The following FGF12 variants were observed in gnomAD, a reference collection of about 807,000 sequenced individuals.
FGF12 encodes fibroblast growth factor 12B.
FGF12 carries 14 observed loss-of-function variants against 23.6 expected under a neutral mutation model. The ratio of observed to expected loss-of-function variants is 0.59; its 90% CI spans 0.39 to 0.93. FGF12 has a LOEUF of 0.93. Among genes scored for constraint, FGF12 ranks in the 40% least tolerant of loss-of-function variants. FGF12 has a pLI of 0.00. For synonymous variants in FGF12, 62 were observed against 77.3 expected (o/e 0.80, Z 1.04); for missense variants, 175 against 217.8 (o/e 0.80, Z 1.24).
chr3:192,721,446 G>T (rs1719036554), intron 2 of FGF12, among the ~76,000 whole-genome samples: 1 of 152,098 alleles, frequency 6.6e-6, no homozygotes, highest in African/African-American at 2.4e-5. Context: ...AAATCACAGG[G>T]TTTTAAGGGA....
chr3:192,361,169 C>CAAAAAAAAA (rs10651290), intron 2 of FGF12, among the ~76,000 whole-genome samples: 6 of 98,750 alleles, frequency 6.1e-5, no homozygotes, highest in East Asian at 3.3e-4. Flanking sequence ...TTCTCCAGTA[C>CAAAAAAAAA]AAAAAAAAAA....
chr3:192,701,342 C>T (rs914644242), intron 2 of FGF12, among the ~76,000 whole-genome samples: 7 of 152,120 alleles, frequency 4.6e-5, no homozygotes, highest in South Asian at 2.1e-4. Context: ...AAAACCAAGC[C>T]GTAGCCCGAC....
intron 2 of FGF12, among the ~76,000 whole-genome samples, chr3:192,446,577 A>T (rs1228598173): frequency 6.6e-6 from 1 of 152,182 alleles, no homozygotes; most frequent in African/African-American, 2.4e-5. Context: ...GTCTTTAAAG[A>T]TGCATAGTCT....
chr3:192,621,651 AATTAAGTTTTC>A (rs1318935374), intron 2 of FGF12, among the ~76,000 whole-genome samples: 1 of 144,932 alleles, frequency 6.9e-6, no homozygotes, highest in Non-Finnish European at 1.5e-5. Context: ...AGCAGGGTTA[AATTAAGTTTTC>A]AGCAATATCT....
intron 4 of FGF12, among the ~76,000 whole-genome samples, chr3:192,220,395 T>C (rs1718406884): frequency 6.6e-6 from 1 of 152,210 alleles, no homozygotes; most frequent in South Asian, 2.1e-4. Context: ...GACTTTTAAC[T>C]TTATGTTTCA....
intron 4 of FGF12, among the ~76,000 whole-genome samples, chr3:192,302,486 A>G (rs1051581854): frequency 1.3e-5 from 2 of 152,184 alleles, no homozygotes; most frequent in Non-Finnish European, 2.9e-5. Flanking sequence ...AATATATCAT[A>G]ATGTGCACTT....
chr3:192,212,415 A>G (rs1228497947), intron 4 of FGF12, among the ~76,000 whole-genome samples: 1 of 152,190 alleles, frequency 6.6e-6, no homozygotes, highest in Admixed American at 6.5e-5. Flanking sequence ...AAAATGTATT[A>G]AATGTGTTAT....
chr3:192,202,987 T>C (rs1577231254), intron 4 of FGF12, among the ~76,000 whole-genome samples: 1 of 152,340 alleles, frequency 6.6e-6, no homozygotes, highest in East Asian at 1.9e-4. Context: ...CAGTGCTTGA[T>C]GGTAAAAATA....
At chr3:192,603,798 C>A (rs528152795) in intron 2 of FGF12, among the ~76,000 whole-genome samples, 2 of 152,284 alleles carry the variant, frequency 1.3e-5, no homozygotes, top group East Asian at 1.9e-4. Flanking sequence ...TGATAAGGGT[C>A]TATGCTCAGT....
At chr3:192,222,265 A>G (rs1718514068) in intron 4 of FGF12, among the ~76,000 whole-genome samples, 2 of 152,178 alleles carry the variant, frequency 1.3e-5, no homozygotes, top group South Asian at 4.1e-4. Context: ...GCTGAAATAC[A>G]GCATTCTTAA....
At chr3:192,690,550 C>A (rs1577123497) in intron 2 of FGF12, among the ~76,000 whole-genome samples, 1 of 80,408 alleles carries the variant, frequency 1.2e-5, no homozygotes. Flanking sequence ...ATAGTAGATG[C>A]AGAAAAGATA....
chr3:192,661,032 G>C (rs905354120), intron 2 of FGF12, among the ~76,000 whole-genome samples: 2 of 151,958 alleles, frequency 1.3e-5, no homozygotes. Context: ...GGGAACGTCT[G>C]TTCTGGGTTC....
chr3:192,265,210 T>C (rs1441895213), intron 4 of FGF12: 1 of 152,162 alleles, frequency 6.6e-6, no homozygotes, highest in Admixed American at 6.6e-5. Flanking sequence ...GAGTCAAGTC[T>C]TATCTCAGAT....
At chr3:192,565,016 C>A (rs1049795170) in intron 2 of FGF12, among the ~76,000 whole-genome samples, 1 of 152,192 alleles carries the variant, frequency 6.6e-6, no homozygotes, top group Non-Finnish European at 1.5e-5. Flanking sequence ...AGGTTATCTA[C>A]ATAAAACATT....
chr3:192,590,829 C>T (rs1192114113), intron 2 of FGF12, among the ~76,000 whole-genome samples: 1 of 151,840 alleles, frequency 6.6e-6, no homozygotes, highest in Non-Finnish European at 1.5e-5. Context: ...ACTTAAGTTT[C>T]TGTCCCAATA....
chr3:192,255,283 T>C (rs1220286538), intron 4 of FGF12, among the ~76,000 whole-genome samples: 2 of 152,050 alleles, frequency 1.3e-5, no homozygotes, highest in Non-Finnish European at 2.9e-5. Flanking sequence ...AAATTATTAA[T>C]ATTATAAACA....
At chr3:192,533,814 C>A (rs1725155124) in intron 2 of FGF12, among the ~76,000 whole-genome samples, 2 of 152,210 alleles carry the variant, frequency 1.3e-5, no homozygotes, top group Non-Finnish European at 2.9e-5. Context: ...GGGAATAGTT[C>A]TGTGTCTAAT....
Position 192,606,250 on chromosome 3 carries a change from C to T in FGF12, c.13+120931G>A, listed in dbSNP as rs1030867680. Among the ~76,000 whole-genome samples, 5 of 152,266 alleles carry T rather than the reference C, an allele frequency of 3.3e-5. No individual in the cohort carries two copies. The South Asian group carries it at 8.3e-4, about 25-fold the overall frequency. The stretch of plus-strand genomic sequence containing the variant: ...ATGGATGCAGCTGGAGATCATTATC[C>T]TAAGCAAATTAATGCATGAACAGAA... On this transcript the variant is annotated intron_variant, in intron 2 of 5. Coordinates refer to ENST00000445105, the MANE Select transcript of FGF12 (RefSeq NM_004113.6).
intron 4 of FGF12, among the ~76,000 whole-genome samples, chr3:192,206,363 G>C (rs536251999): frequency 4.3e-4 from 65 of 152,290 alleles, no homozygotes; most frequent in African/African-American, 1.4e-3. Flanking sequence ...AAAGTTTTTT[G>C]CTAAATTAGA....
Sources: allele counts gnomAD v4.1 joint callset (sites outside exome capture counted in the v4.1 genomes callset), GRCh38; gene constraint gnomAD v4.1.1; transcripts MANE v1.5; gene names NCBI Gene and HGNC (gene_info 2026-07-23, HGNC 2026-07-21).